TBC1D14: variants seen among roughly 807,000 people sequenced by gnomAD.
The protein encoded by TBC1D14 is TBC1 domain family member 14.
In TBC1D14, 26 loss-of-function variants were observed where a neutral mutation model predicts 79.0. That is an observed-to-expected ratio of 0.33 (90% CI 0.24 to 0.46). TBC1D14 has a LOEUF of 0.46. Among genes scored for constraint, TBC1D14 ranks in the 20% least tolerant of loss-of-function variants. The pLI is 1.00. For missense variants in TBC1D14, 769 were observed against 887.6 expected, an observed-to-expected ratio of 0.87 and a Z score of 1.70; for synonymous variants, 394 against 349.9, an observed-to-expected ratio of 1.13 and a Z score of -1.40.
chr4:6,931,211 G>A (rs918709145), intron 2 of TBC1D14, among the ~76,000 whole-genome samples: 1 of 152,178 alleles, frequency 6.6e-6, no homozygotes, highest in Non-Finnish European at 1.5e-5. Context: ...ACTCTGGGTC[G>A]TCTGACACTG....
At chr4:6,963,701 A>T (rs66712119) in intron 2 of TBC1D14, among the ~76,000 whole-genome samples, 15,475 of 152,242 alleles carry the variant, frequency 0.1, 1,330 homozygotes, top group African/African-American at 0.23. Flanking sequence ...TTCAGCCTCT[A>T]ACCCACAAAA....
chr4:6,957,912 TAAATAAATAA>T lies in TBC1D14; in HGVS notation c.723-9378_723-9369del, dbSNP rs1488630452. ...AGTGAGACTCTCAGGAAAAAATAAA[TAAATAAATAA>T]AAATAAATAAAAAAGGAGTGCTGGC... On this transcript the variant is annotated intron_variant, in intron 2 of 13. Coordinates refer to ENST00000409757, the MANE Select transcript of TBC1D14 (RefSeq NM_020773.3). 3.3e-5 allele frequency among the ~76,000 whole-genome samples: 5 copies of T among 149,422 alleles called. No homozygotes were observed. In the East Asian group the frequency reaches 1.0e-3, roughly 30 times the overall value.
intron 3 of TBC1D14, among the ~76,000 whole-genome samples, chr4:6,988,502 G>A (rs866575511): frequency 1.2e-4 from 18 of 152,346 alleles, no homozygotes; most frequent in Middle Eastern, 6.8e-3. Context: ...TCCTCAGCCT[G>A]TGCAGATGTG....
chr4:6,997,929 G>T (rs912188150), intron 5 of TBC1D14, among the ~76,000 whole-genome samples: 5 of 152,184 alleles, frequency 3.3e-5, no homozygotes, highest in African/African-American at 9.7e-5. Context: ...GAAAGCTCTG[G>T]TGATGGATGG....
In TBC1D14 at chr4:6,998,862, G is replaced by A. The variant is rs1228789339; in HGVS notation, c.1046-223G>A. On this transcript the variant is annotated intron_variant, in intron 5 of 13. Coordinates refer to ENST00000409757, the MANE Select transcript of TBC1D14 (RefSeq NM_020773.3). ...CCAACTGAATCGTATTCTTCTTTGT[G>A]TACTTTCCTGTCTAGATGTTAGACT... 7.9e-6 allele frequency: 4 copies of A among 504,828 alleles called. No homozygotes were observed. In the Admixed American group the frequency reaches 1.0e-4, roughly 13 times the overall value. The allele number at this position is 504,828 out of a possible 1,614,324, so 31.3% of individuals were successfully genotyped here.
chr4:6,957,738 CCT>C (rs1714775194), intron 2 of TBC1D14, among the ~76,000 whole-genome samples: 1 of 152,044 alleles, frequency 6.6e-6, no homozygotes, highest in African/African-American at 2.4e-5. Flanking sequence ...ATGGTGAGAC[CCT>C]GTTTCTACAA....
At chr4:6,939,637 A>G (rs1712711348) in intron 2 of TBC1D14, among the ~76,000 whole-genome samples, 1 of 151,898 alleles carries the variant, frequency 6.6e-6, no homozygotes, top group African/African-American at 2.4e-5. Flanking sequence ...CTCCCAAATC[A>G]AAGCACCCAA....
At chr4:6,918,751 A>T (rs1462083741) in intron 1 of TBC1D14, among the ~76,000 whole-genome samples, 1 of 152,166 alleles carries the variant, frequency 6.6e-6, no homozygotes, top group Non-Finnish European at 1.5e-5. Flanking sequence ...AGTGTTGATG[A>T]TGTTTTGATA....
chr4:7,010,253 A>G (rs1481497095), intron 10 of TBC1D14, among the ~76,000 whole-genome samples: 1 of 152,250 alleles, frequency 6.6e-6, no homozygotes, highest in Non-Finnish European at 1.5e-5. Flanking sequence ...AACCATTAAA[A>G]AGCACTGCTG....
chr4:6,909,551 A>T (rs945713699), upstream of TBC1D14: 2 of 151,792 alleles, frequency 1.3e-5, no homozygotes, highest in African/African-American at 4.8e-5. Flanking sequence ...TGCGGGCACA[A>T]AGGCCCGCTC....
chr4:6,961,413 G>T (rs548790756), intron 2 of TBC1D14, among the ~76,000 whole-genome samples: 4 of 152,266 alleles, frequency 2.6e-5, no homozygotes, highest in Admixed American at 2.0e-4. Context: ...TGTGCCATGG[G>T]GGAGCTGAGC....
In TBC1D14 at chr4:7,014,380, A is replaced by G. The variant is rs1488187533; in HGVS notation, c.1648-68A>G. 4 of 1,005,914 alleles carry G rather than the reference A, an allele frequency of 4.0e-6. No homozygotes were observed. The East Asian group carries it at 7.7e-5, about 19-fold the overall frequency. 62.3% of individuals were successfully genotyped at this position (1,005,914 alleles called of 1,614,324 possible). ...TGTTAGAGTCTAAAGATATACATATATTGACTTTTTTGTAAATTGAAAACT... is the reference window on the plus strand; with the variant it reads ...TGTTAGAGTCTAAAGATATACATATGTTGACTTTTTTGTAAATTGAAAACT... On this transcript the variant is annotated intron_variant, in intron 11 of 13. Transcript: ENST00000409757.
In TBC1D14 at chr4:6,923,817, C is replaced by G. The variant is rs747713715; in HGVS notation, c.428C>G (p.Pro143Arg). 1 of 1,614,166 alleles carries G rather than the reference C, an allele frequency of 6.2e-7. No individual in the cohort carries two copies. The highest frequency in any genetic ancestry group is 8.5e-7 in the Non-Finnish European group (1 of 1,180,046). ...TATGACTCGGTAAAGCTCTATAGCC[C>G]GACCTCCAAAGCCCTGACCCGCAGC... ...TGYDSVKLYS[P>R]TSKALTRSDD... The change falls in exon 2 of 14, where the codon CCG becomes CGG. Residue 143 changes from proline to arginine, a missense_variant. Physicochemically the swap from Pro to Arg is moderately radical, Grantham distance 103. Coordinates refer to ENST00000409757, the MANE Select transcript of TBC1D14 (RefSeq NM_020773.3).
At chr4:6,930,190 G>A (rs1052778687) in intron 2 of TBC1D14, among the ~76,000 whole-genome samples, 8 of 152,172 alleles carry the variant, frequency 5.3e-5, no homozygotes, top group African/African-American at 1.9e-4. Flanking sequence ...GCGTCTGTCC[G>A]GGCACTGAAG....
chr4:6,995,386 A>G (rs1718913824), intron 4 of TBC1D14: 1 of 152,234 alleles, frequency 6.6e-6, no homozygotes, highest in Non-Finnish European at 1.5e-5. Flanking sequence ...TTATTAGTGT[A>G]TTGCAGTCAA....
chr4:6,948,600 C>T (rs979204078), intron 2 of TBC1D14, among the ~76,000 whole-genome samples: 2 of 152,112 alleles, frequency 1.3e-5, no homozygotes, highest in African/African-American at 4.8e-5. Flanking sequence ...TCCCGTGGGT[C>T]CCACTCGCGG....
At chr4:6,959,164 C>G (rs758562644) in intron 2 of TBC1D14, among the ~76,000 whole-genome samples, 2 of 152,120 alleles carry the variant, frequency 1.3e-5, no homozygotes, top group African/African-American at 4.8e-5. Flanking sequence ...GGATTACAGG[C>G]GTGAGCCACC....
intron 5 of TBC1D14, 109 bp downstream of exon 5, chr4:6,996,516 G>T: frequency 7.9e-6 from 6 of 762,908 alleles, no homozygotes; most frequent in African/African-American, 1.8e-5. Context: ...TTCAGTCTTT[G>T]AAATTTGTAG....
chr4:6,922,249 T>A (rs1723928149), intron 1 of TBC1D14, among the ~76,000 whole-genome samples: 1 of 151,952 alleles, frequency 6.6e-6, no homozygotes, highest in South Asian at 2.1e-4. Flanking sequence ...AGAGACAGGG[T>A]CTTGTTACGT....
Sources: allele counts gnomAD v4.1 joint callset (sites outside exome capture counted in the v4.1 genomes callset), GRCh38; gene constraint gnomAD v4.1.1; transcripts MANE v1.5; gene names NCBI Gene and HGNC (gene_info 2026-07-23, HGNC 2026-07-21).